The following SLC24A4 variants were observed in gnomAD, a reference collection of about 807,000 sequenced individuals.
The protein encoded by SLC24A4 is solute carrier family 24 member 4.
Under a neutral mutation model 79.0 loss-of-function variants are expected in SLC24A4, and 53 were observed. The observed-to-expected ratio is 0.67, with a 90% CI of 0.54 to 0.84. SLC24A4 has a LOEUF of 0.84. Among genes scored for constraint, SLC24A4 ranks in the 40% least tolerant of loss-of-function variants. The pLI is 0.00. For missense variants in SLC24A4, 731 were observed against 822.0 expected (o/e 0.89, Z 1.35); for synonymous variants, 323 against 323.8 (o/e 1.00, Z 0.03).
At chr14:92,327,018 A>C (rs1272814007) in intron 2 of SLC24A4, among the ~76,000 whole-genome samples, 1 of 152,176 alleles carries the variant, frequency 6.6e-6, no homozygotes, top group Non-Finnish European at 1.5e-5. Context: ...TCTGTGAGGC[A>C]AGTCTCTTCC....
At chr14:92,357,354 A>G (rs1394229261) in intron 2 of SLC24A4, among the ~76,000 whole-genome samples, 1 of 152,242 alleles carries the variant, frequency 6.6e-6, no homozygotes, top group Non-Finnish European at 1.5e-5. Context: ...ACTAGGAAGA[A>G]TATATGTTGC....
In SLC24A4 at chr14:92,428,779, G is replaced by A. The variant is rs150398512; in HGVS notation, c.242-5133G>A. 3.3e-5 allele frequency among the ~76,000 whole-genome samples: 5 copies of A among 152,346 alleles called. No individual in the cohort carries two copies. The South Asian group carries it at 6.2e-4, about 19-fold the overall frequency. On this transcript the variant is annotated intron_variant, in intron 2 of 16. Coordinates refer to ENST00000532405, the MANE Select transcript of SLC24A4 (RefSeq NM_153646.4). ...CCAGCATTCAGTTCAGAGTCCCTTG[G>A]GGGGAGGGGACCCCCTAGAGGAGAC...
At chr14:92,472,416 C>T (rs144318608) in intron 12 of SLC24A4, among the ~76,000 whole-genome samples, 23,877 of 152,020 alleles carry the variant, frequency 0.16, 2,231 homozygotes, top group East Asian at 0.4. Context: ...CCCTTTCCCC[C>T]GAGTCCCCAA....
At chr14:92,484,452 A>AT (rs1895247415) in intron 13 of SLC24A4, 1 of 985,150 alleles carries the variant, frequency 1.0e-6, no homozygotes, top group African/African-American at 1.7e-5. Context: ...AGAGCTCTGT[A>AT]TCCCAAAAGG....
chr14:92,342,875 C>A (rs1886247508), intron 2 of SLC24A4, among the ~76,000 whole-genome samples: 1 of 152,194 alleles, frequency 6.6e-6, no homozygotes, highest in Admixed American at 6.5e-5. Context: ...TTCCCTTGAA[C>A]TGGGTGTAAA....
At chr14:92,442,445 G>C (rs189545477) in intron 5 of SLC24A4, among the ~76,000 whole-genome samples, 1 of 152,210 alleles carries the variant, frequency 6.6e-6, no homozygotes, top group Admixed American at 6.5e-5. Context: ...TAAAACCACC[G>C]AATTGTATAT....
At chr14:92,327,205 T>C (rs1885195319) in intron 2 of SLC24A4, among the ~76,000 whole-genome samples, 1 of 152,212 alleles carries the variant, frequency 6.6e-6, no homozygotes, top group Admixed American at 6.5e-5. Context: ...GTTTTTATGC[T>C]ATCAGCTTCC....
intron 2 of SLC24A4, among the ~76,000 whole-genome samples, chr14:92,429,307 T>C (rs1891732850): frequency 1.3e-5 from 2 of 152,298 alleles, no homozygotes; most frequent in African/African-American, 2.4e-5. Context: ...TACACGACTG[T>C]AGGTGTTTCT....
chr14:92,401,243 T>C (rs1488596951), intron 2 of SLC24A4, among the ~76,000 whole-genome samples: 1 of 152,200 alleles, frequency 6.6e-6, no homozygotes, highest in Non-Finnish European at 1.5e-5. Flanking sequence ...TGCCTGCTGC[T>C]GTGCTGGTAG....
chr14:92,350,875 G>A (rs974694923), intron 2 of SLC24A4, among the ~76,000 whole-genome samples: 2 of 152,156 alleles, frequency 1.3e-5, no homozygotes, highest in African/African-American at 4.8e-5. Flanking sequence ...AGGTGATTGG[G>A]TCATGAAAGT....
chr14:92,347,192 G>C (rs760837556), intron 2 of SLC24A4, among the ~76,000 whole-genome samples: 1 of 152,142 alleles, frequency 6.6e-6, no homozygotes, highest in African/African-American at 2.4e-5. Context: ...TTAGTGATAC[G>C]CCTTAGCCAG....
intron 2 of SLC24A4, among the ~76,000 whole-genome samples, chr14:92,433,080 A>G (rs2402143): frequency 0.67 from 102,256 of 151,772 alleles, 34,848 homozygotes; most frequent in East Asian, 0.88. Context: ...GGTACTGAGG[A>G]TGCAATGGTG....
At chr14:92,487,903 A>G (rs138536721) in intron 14 of SLC24A4, among the ~76,000 whole-genome samples, 330 of 152,028 alleles carry the variant, frequency 2.2e-3, no homozygotes, top group Non-Finnish European at 2.8e-3. Context: ...TTGTAGCTGC[A>G]TCACTCCAAT....
chr14:92,483,277 C>G (rs191780793), intron 13 of SLC24A4, among the ~76,000 whole-genome samples: 1 of 152,306 alleles, frequency 6.6e-6, no homozygotes, highest in Non-Finnish European at 1.5e-5. Context: ...CTCCTCCCCC[C>G]ACTGATGTGC....
At chr14:92,443,024 C>G (rs187177294) in intron 6 of SLC24A4, among the ~76,000 whole-genome samples, 3 of 152,254 alleles carry the variant, frequency 2.0e-5, no homozygotes, top group African/African-American at 7.2e-5. Context: ...CCTCAGAGCC[C>G]CAGGGGGAAT....
intron 2 of SLC24A4, among the ~76,000 whole-genome samples, chr14:92,340,749 G>C (rs557548962): frequency 6.6e-6 from 1 of 152,204 alleles, no homozygotes; most frequent in Non-Finnish European, 1.5e-5. Flanking sequence ...AGGGGGCACG[G>C]ATCCCCCTAA....
chr14:92,342,526 G>A (rs1257710682), intron 2 of SLC24A4, among the ~76,000 whole-genome samples: 1 of 152,078 alleles, frequency 6.6e-6, no homozygotes, highest in African/African-American at 2.4e-5. Context: ...TGGGATTACA[G>A]GCATGCGCCA....
intron 12 of SLC24A4, 39 bp downstream of exon 12, chr14:92,456,647 T>G (rs2139850214): frequency 1.3e-6 from 2 of 1,597,546 alleles, no homozygotes; most frequent in Non-Finnish European, 8.5e-7. Flanking sequence ...GCTACATTTT[T>G]GGGGGCTCCA....
intron 14 of SLC24A4, among the ~76,000 whole-genome samples, chr14:92,487,638 C>T (rs1386858081): frequency 6.6e-6 from 1 of 152,124 alleles, no homozygotes; most frequent in Non-Finnish European, 1.5e-5. Context: ...CAGTTAGGGA[C>T]AGCAGCTGAG....
Sources: gnomAD v4.1 joint callset for allele counts (sites outside exome capture counted in the v4.1 genomes callset) on GRCh38, gnomAD v4.1.1 for gene constraint, MANE v1.5 for transcripts, NCBI Gene and HGNC (gene_info 2026-07-23, HGNC 2026-07-21) for gene names.